Variants in ZNF83 observed in about 807,000 individuals in gnomAD.
ZNF83 encodes zinc finger protein 816B.
For missense variants in ZNF83, 552 were observed against 629.9 expected, an observed-to-expected ratio of 0.88 and a Z score of 1.32; for synonymous variants, 209 against 213.0, an observed-to-expected ratio of 0.98 and a Z score of 0.17.
At chr19:52,655,711 C>A in intron 2 of ZNF83, 2 of 920,740 alleles carry the variant, frequency 2.2e-6, no homozygotes, top group Non-Finnish European at 3.5e-6. Flanking sequence ...CACATTTCAA[C>A]AAAACATTAG....
intron 1 of ZNF83, among the ~76,000 whole-genome samples, chr19:52,661,305 A>C (rs527458627): frequency 6.6e-6 from 1 of 152,316 alleles, no homozygotes; most frequent in South Asian, 2.1e-4. Context: ...AGGAAGACCT[A>C]CAAGGGTAAT....
chr19:52,629,254 C>T (rs532635504), intron 2 of ZNF83, among the ~76,000 whole-genome samples: 99 of 152,282 alleles, frequency 6.5e-4, no homozygotes, highest in Non-Finnish European at 1.0e-3. Flanking sequence ...AATAAGCAAA[C>T]GGTCTGAGGT....
intron 1 of ZNF83, among the ~76,000 whole-genome samples, chr19:52,678,133 G>A (rs988211367): frequency 4.6e-5 from 7 of 151,836 alleles, no homozygotes; most frequent in African/African-American, 9.7e-5. Context: ...ACAATAATGC[G>A]CTAACTAAAA....
intron 1 of ZNF83, among the ~76,000 whole-genome samples, chr19:52,680,667 C>T (rs1034094375): frequency 9.4e-4 from 109 of 116,490 alleles, no homozygotes; most frequent in Admixed American, 1.3e-3. Context: ...GGCTGGAGTG[C>T]AGTGGCGCGA....
At chr19:52,613,959 C>G (rs1280110230) in exon 3 of ZNF83, 1 of 1,613,308 alleles carries the variant, frequency 6.2e-7, no homozygotes. Flanking sequence ...TATAAGGTTT[C>G]TCTCCGGTAT....
At chr19:52,646,880 A>G (rs2061378816) in intron 3 of ZNF83, among the ~76,000 whole-genome samples, 1 of 152,230 alleles carries the variant, frequency 6.6e-6, no homozygotes, top group Admixed American at 6.5e-5. Flanking sequence ...GCAAGGCCAC[A>G]AGTTATACCA....
At chr19:52,616,039 A>G (rs1407344432) in intron 2 of ZNF83, among the ~76,000 whole-genome samples, 1 of 152,152 alleles carries the variant, frequency 6.6e-6, no homozygotes, top group Non-Finnish European at 1.5e-5. Flanking sequence ...GGCTTCACCA[A>G]GTTGGCCAGG....
intron 1 of ZNF83, among the ~76,000 whole-genome samples, chr19:52,663,919 G>A (rs746400220): frequency 4.6e-5 from 7 of 152,178 alleles, no homozygotes; most frequent in East Asian, 1.9e-4. Flanking sequence ...ACGGAGTCTC[G>A]CTCTGTTGCC....
chr19:52,629,444 CCCCAGGCTGCTCCTT>C (rs1271073163), intron 2 of ZNF83, among the ~76,000 whole-genome samples: 2 of 152,086 alleles, frequency 1.3e-5, no homozygotes, highest in Non-Finnish European at 2.9e-5. Flanking sequence ...TTCCCCTCCT[CCCCAGGCTGCTCCTT>C]GCCAGGCCGA....
chr19:52,615,883 G>A (rs947427420), intron 2 of ZNF83, among the ~76,000 whole-genome samples: 4 of 152,166 alleles, frequency 2.6e-5, no homozygotes, highest in Non-Finnish European at 4.4e-5. Flanking sequence ...TTGTGCCCCA[G>A]GCTGGAGTGC....
exon 3 of ZNF83, chr19:52,614,699 G>T: frequency 2.2e-6 from 3 of 1,343,330 alleles, no homozygotes; most frequent in Non-Finnish European, 1.9e-6. Flanking sequence ...TGTATGTCGT[G>T]GCTTTCATGT....
intron 1 of ZNF83, among the ~76,000 whole-genome samples, chr19:52,637,729 G>C (rs2061197664): frequency 6.6e-6 from 1 of 152,130 alleles, no homozygotes; most frequent in Admixed American, 6.5e-5. Flanking sequence ...CCGGGGGCTG[G>C]AGCTGGGCAG....
intron 1 of ZNF83, among the ~76,000 whole-genome samples, chr19:52,685,642 A>T (rs1247731100): frequency 6.6e-6 from 1 of 152,098 alleles, no homozygotes. Flanking sequence ...CTTGCCTGTA[A>T]TCCCAGCACA....
intron 2 of ZNF83, among the ~76,000 whole-genome samples, chr19:52,615,506 C>T (rs1397579238): frequency 6.6e-6 from 1 of 152,030 alleles, no homozygotes; most frequent in African/African-American, 2.4e-5. Flanking sequence ...GGGGAGGCCA[C>T]GGTGAGTGAA....
chr19:52,641,011 C>A (rs1295154611), upstream of ZNF83, among the ~76,000 whole-genome samples: 1 of 152,100 alleles, frequency 6.6e-6, no homozygotes, highest in Non-Finnish European at 1.5e-5. Flanking sequence ...TGGGGCCCAG[C>A]TGAGGAGAGA....
intron 3 of ZNF83, chr19:52,654,198 G>T (rs939037900): frequency 7.5e-6 from 12 of 1,596,206 alleles, no homozygotes; most frequent in South Asian, 3.3e-5. Flanking sequence ...TCAACTTTTT[G>T]ATTTTTGTCA....
intron 1 of ZNF83, among the ~76,000 whole-genome samples, chr19:52,637,510 T>C (rs1424680811): frequency 6.6e-6 from 1 of 152,170 alleles, no homozygotes. Context: ...TCCAGTTACT[T>C]TTCTCCTCCT....
chr19:52,637,354 C>T (rs1239479256), intron 1 of ZNF83, among the ~76,000 whole-genome samples: 7 of 152,102 alleles, frequency 4.6e-5, no homozygotes, highest in Non-Finnish European at 1.5e-5. Context: ...CTCTGTTCTC[C>T]TTGCCACCAG....
intron 1 of ZNF83, among the ~76,000 whole-genome samples, chr19:52,661,431 C>A (rs770087253): frequency 1.3e-5 from 2 of 152,252 alleles, no homozygotes; most frequent in Admixed American, 1.3e-4. Flanking sequence ...CAGAGCACAG[C>A]CCCCTCACCT....
Sources: gnomAD v4.1 joint callset for allele counts (sites outside exome capture counted in the v4.1 genomes callset) on GRCh38, gnomAD v4.1.1 for gene constraint, MANE v1.5 for transcripts, NCBI Gene and HGNC (gene_info 2026-07-23, HGNC 2026-07-21) for gene names.